The following SLC22A23 variants were observed in gnomAD, a reference collection of about 807,000 sequenced individuals.
SLC22A23 encodes the protein ion transporter protein.
A neutral mutation model predicts 61.0 loss-of-function variants in SLC22A23; 26 were observed. That is an observed-to-expected ratio of 0.43 (90% CI 0.31 to 0.59). The LOEUF (loss-of-function observed/expected upper bound fraction) is 0.59, where lower values mean the gene tolerates loss of function less well. Among genes scored for constraint, SLC22A23 ranks in the 20% least tolerant of loss-of-function variants. The pLI is 0.11. For synonymous variants in SLC22A23, 430 were observed against 413.9 expected (o/e 1.04, Z -0.47); for missense variants, 796 against 934.7 (o/e 0.85, Z 1.94).
At chr6:3,307,072 A>G (rs1014746403) in intron 4 of SLC22A23, among the ~76,000 whole-genome samples, 2 of 152,184 alleles carry the variant, frequency 1.3e-5, no homozygotes, top group African/African-American at 4.8e-5. Context: ...AGGATTTTAG[A>G]GCAGATGTTT....
rs772394188 is a variant in SLC22A23 at position 3,272,910 on chromosome 6, G to A, written c.*145C>T. 4 of 727,218 alleles carry A rather than the reference G, an allele frequency of 5.5e-6. No homozygotes were observed. The highest frequency in any genetic ancestry group is 8.8e-6 in the Non-Finnish European group (4 of 453,982). 45.0% of individuals were successfully genotyped at this position (727,218 alleles called of 1,614,324 possible). A position where few individuals can be genotyped will look rare whatever the true frequency, so the allele number is the denominator to read the frequency against. On this transcript the variant is annotated 3_prime_UTR_variant, in exon 10 of 10. Transcript: ENST00000406686. Reference sequence around the variant, plus strand: ...CCGACCCGCGCTCCTTGGACTTTTGGAAAGACAGGATTTCCCCACACCAGT... The same window carrying A: ...CCGACCCGCGCTCCTTGGACTTTTGAAAAGACAGGATTTCCCCACACCAGT...
intron 4 of SLC22A23, chr6:3,313,487 G>A (rs1762473243): frequency 6.6e-6 from 1 of 152,164 alleles, no homozygotes; most frequent in Admixed American, 6.5e-5. Context: ...GTTTTCCTTT[G>A]AGGAGAGCAT....
At position 3,298,237 on chromosome 6, in the gene SLC22A23, G is replaced by A; in HGVS notation, c.1083-19C>T. Reference sequence around the variant, plus strand: ...GAATATCCTTTAAAGACACAAAGGGGATCAGTGAATGTCTTCCGATTCTGC... The same window carrying A: ...GAATATCCTTTAAAGACACAAAGGGAATCAGTGAATGTCTTCCGATTCTGC... On this transcript the variant is annotated intron_variant, in intron 4 of 9. Transcript: ENST00000406686. 1 of 1,585,774 alleles carries A rather than the reference G, an allele frequency of 6.3e-7. No individual in the cohort carries two copies.
intron 1 of SLC22A23, among the ~76,000 whole-genome samples, chr6:3,451,959 A>G (rs1417561941): frequency 6.6e-6 from 1 of 152,186 alleles, no homozygotes; most frequent in Admixed American, 6.5e-5. Flanking sequence ...GAGTATCTGA[A>G]GTACACAACC....
At chr6:3,325,068 T>C (rs1763197693) in intron 3 of SLC22A23, among the ~76,000 whole-genome samples, 1 of 152,218 alleles carries the variant, frequency 6.6e-6, no homozygotes, top group Non-Finnish European at 1.5e-5. Flanking sequence ...GCTTCTTGCT[T>C]GCTTGCTCTT....
intron 1 of SLC22A23, among the ~76,000 whole-genome samples, chr6:3,446,697 C>T (rs1378701684): frequency 6.6e-6 from 1 of 152,240 alleles, no homozygotes; most frequent in Non-Finnish European, 1.5e-5. Context: ...CCAGTTTCCT[C>T]CAGAACCTCT....
intron 3 of SLC22A23, among the ~76,000 whole-genome samples, chr6:3,335,035 GA>G (rs1763774384): frequency 6.6e-6 from 1 of 152,180 alleles, no homozygotes; most frequent in African/African-American, 2.4e-5. Flanking sequence ...AAGAAAAGTT[GA>G]GGCTGATAGA....
chr6:3,339,544 C>T (rs1255881641), intron 3 of SLC22A23, among the ~76,000 whole-genome samples: 1 of 152,300 alleles, frequency 6.6e-6, no homozygotes, highest in South Asian at 2.1e-4. Flanking sequence ...CAGGATGAGA[C>T]AGGAGGTCGG....
chr6:3,396,593 G>A (rs1368938353), intron 3 of SLC22A23, among the ~76,000 whole-genome samples: 1 of 152,026 alleles, frequency 6.6e-6, no homozygotes, highest in Admixed American at 6.6e-5. Flanking sequence ...ACCCTAGCAG[G>A]GAGGCACACA....
chr6:3,314,648 C>G (rs527395430), intron 4 of SLC22A23, among the ~76,000 whole-genome samples: 130 of 151,450 alleles, frequency 8.6e-4, no homozygotes, highest in Non-Finnish European at 1.4e-3. Flanking sequence ...GGGCTATTTA[C>G]ATATTGGAAT....
chr6:3,333,293 C>T lies in SLC22A23; in HGVS notation c.914-9291G>A, dbSNP rs1406059773. Among the ~76,000 whole-genome samples the T allele has an allele frequency of 6.6e-6, 1 of 152,174 alleles. No individual in the cohort carries two copies. The highest frequency in any genetic ancestry group is 1.9e-4 in the East Asian group (1 of 5,196). On this transcript the variant is annotated intron_variant, in intron 3 of 9. Transcript: ENST00000406686. The surrounding 1 kb of genome is among the most constrained non-coding windows in gnomAD (Gnocchi z 4.1). ...TCTTTGCCCTGAAATACGGTCAGTT[C>T]AGAAGAGGCAGCATCATAAAATCAC...
At chr6:3,326,479 G>A (rs552536663) in intron 3 of SLC22A23, among the ~76,000 whole-genome samples, 8 of 152,002 alleles carry the variant, frequency 5.3e-5, no homozygotes, top group Non-Finnish European at 1.2e-4. Context: ...CTGGCTCACC[G>A]CATTTCTCCA....
chr6:3,394,703 C>T (rs1033579265), intron 3 of SLC22A23, among the ~76,000 whole-genome samples: 3 of 152,190 alleles, frequency 2.0e-5, no homozygotes, highest in Non-Finnish European at 2.9e-5. Flanking sequence ...CCAGGGCCCA[C>T]AGGGTAAAGA....
chr6:3,443,946 A>G (rs1771749023), intron 1 of SLC22A23, among the ~76,000 whole-genome samples: 1 of 152,070 alleles, frequency 6.6e-6, no homozygotes, highest in Admixed American at 6.6e-5. Context: ...GACACTCCCC[A>G]CCCCACTTTG....
chr6:3,426,392 A>T (rs1031664357), intron 1 of SLC22A23, among the ~76,000 whole-genome samples: 1 of 152,180 alleles, frequency 6.6e-6, no homozygotes, highest in Non-Finnish European at 1.5e-5. Context: ...AACAAATTTC[A>T]CAAGTCAATT....
chr6:3,305,008 C>T (rs1025637145), intron 4 of SLC22A23, among the ~76,000 whole-genome samples: 6 of 151,938 alleles, frequency 3.9e-5, no homozygotes, highest in East Asian at 3.9e-4. Context: ...GAGATCTGGG[C>T]GCGAGACAAG....
chr6:3,424,087 C>T (rs2127532843), intron 1 of SLC22A23, among the ~76,000 whole-genome samples: 3 of 152,138 alleles, frequency 2.0e-5, no homozygotes, highest in East Asian at 3.9e-4. Context: ...CTGTCACCTT[C>T]TATTCTTCCC....
Position 3,330,210 on chromosome 6 carries a change from A to G in SLC22A23, c.914-6208T>C, listed in dbSNP as rs1476942073. On this transcript the variant is annotated intron_variant, in intron 3 of 9. Transcript: ENST00000406686. The surrounding 1 kb of genome is among the most constrained non-coding windows in gnomAD (Gnocchi z 4.7). ...TCCAATAGACTAGAAGCCCATTTCCACCAGCAGCGGGAAAATGTGGAAAGG... is the reference window on the plus strand; with the variant it reads ...TCCAATAGACTAGAAGCCCATTTCCGCCAGCAGCGGGAAAATGTGGAAAGG... Among the ~76,000 whole-genome samples the G allele has an allele frequency of 6.6e-6, 1 of 152,034 alleles. No homozygotes were observed. Among genetic ancestry groups the G allele is most frequent in the Non-Finnish European group, 1.5e-5 (1 of 68,000 alleles).
At position 3,269,077 on chromosome 6, in the gene SLC22A23, A is replaced by C. The variant is rs1388119083; in HGVS notation, c.*3978T>G. The C allele has an allele frequency of 1.3e-5, 2 of 152,362 alleles. No homozygotes were observed. Among genetic ancestry groups the C allele is most frequent in the African/African-American group, 4.8e-5 (2 of 41,448 alleles). 9.4% of individuals were successfully genotyped at this position (152,362 alleles called of 1,614,324 possible). On this transcript the variant is annotated 3_prime_UTR_variant, in exon 10 of 10. Coordinates refer to ENST00000406686, the MANE Select transcript of SLC22A23 (RefSeq NM_015482.2). ...GTCTTTCCTCACAGAATCACAGTGTAAGATATTCATTTCTTGACGTCTCTA... is the reference window on the plus strand; with the variant it reads ...GTCTTTCCTCACAGAATCACAGTGTCAGATATTCATTTCTTGACGTCTCTA...
Sources: allele counts gnomAD v4.1 joint callset (sites outside exome capture counted in the v4.1 genomes callset), GRCh38; gene constraint gnomAD v4.1.1; non-coding constraint Gnocchi (gnomAD v3.1); transcripts MANE v1.5; gene names NCBI Gene and HGNC (gene_info 2026-07-23, HGNC 2026-07-21).